The following NRXN3 variants were observed in gnomAD, a reference collection of about 807,000 sequenced individuals.
The protein encoded by NRXN3 is neurexin III.
In NRXN3, 32 loss-of-function variants were observed where a neutral mutation model predicts 137.6. The observed-to-expected ratio is 0.23, with a 90% CI of 0.18 to 0.31. The LOEUF (loss-of-function observed/expected upper bound fraction) is 0.31. Ranked by LOEUF, NRXN3 falls within the 10% of genes least tolerant of loss-of-function variation. The probability of loss-of-function intolerance (pLI) is 1.00; values close to 1 mark genes in which losing one functional copy is unlikely to be tolerated. For synonymous variants in NRXN3, 798 were observed against 784.5 expected (o/e 1.02, Z -0.29); for missense variants, 1,574 against 2,062.5 (o/e 0.76, Z 4.59).
rs2099417208 is a variant in NRXN3, at chr14:78,966,333, A to G, written c.2704A>G (p.Thr902Ala). The change falls in exon 12 of 21, where the codon ACC becomes GCC. Residue 902 changes from threonine to alanine, a missense_variant. By Grantham distance (58) the Thr-to-Ala change is moderately conservative. Around this residue, in one of 5 missense-constraint regions of NRXN3, gnomAD observed 718 missense variants for 887.6 expected, o/e 0.81. Transcript: ENST00000335750. ...GCACCTCTTCTTCCAGTTCAAGACC[A>G]CCTCACCAGATGGCTTCATTCTCTT... Reference protein sequence around the residue: ...SMHLFFQFKTTSPDGFILFNS... With the variant: ...SMHLFFQFKTASPDGFILFNS... The G allele has an allele frequency of 6.2e-7, 1 of 1,613,972 alleles. No homozygotes were observed. Among genetic ancestry groups the G allele is most frequent in the African/African-American group, 1.3e-5 (1 of 74,884 alleles).
At chr14:78,568,880 C>T (rs1566772189) in intron 4 of NRXN3, among the ~76,000 whole-genome samples, 1 of 151,468 alleles carries the variant, frequency 6.6e-6, no homozygotes, top group East Asian at 1.9e-4. Context: ...AGAGCTTCTA[C>T]CAGAAACACT....
chr14:78,458,767 G>A (rs1163036007), intron 4 of NRXN3, among the ~76,000 whole-genome samples: 1 of 152,192 alleles, frequency 6.6e-6, no homozygotes. Context: ...AGAAGAATAG[G>A]TGCCTGTTGT....
At chr14:79,435,621 CACACACACAT>C (rs1430088007) in intron 15 of NRXN3, among the ~76,000 whole-genome samples, 1 of 151,730 alleles carries the variant, frequency 6.6e-6, no homozygotes, top group African/African-American at 2.4e-5. Context: ...CACACACACA[CACACACACAT>C]ACATTCTTTG....
chr14:79,289,955 C>T (rs527739240), intron 15 of NRXN3, among the ~76,000 whole-genome samples: 33 of 152,222 alleles, frequency 2.2e-4, no homozygotes, highest in African/African-American at 7.7e-4. Context: ...CCCCTGGAAA[C>T]CAGCAAGCCA....
At chr14:78,709,180 A>C in intron 6 of NRXN3, 37 bp from the exon 7 acceptor site, 2 of 1,574,332 alleles carry the variant, frequency 1.3e-6, no homozygotes, top group Non-Finnish European at 1.7e-6. Flanking sequence ...TGTTTGCAAG[A>C]TTGATTCACA....
intron 10 of NRXN3, among the ~76,000 whole-genome samples, chr14:78,887,273 G>C (rs1015789024): frequency 2.6e-5 from 4 of 152,096 alleles, no homozygotes; most frequent in Non-Finnish European, 5.9e-5. Context: ...GGCAGAGCTA[G>C]AATTCAAATA....
intron 15 of NRXN3, among the ~76,000 whole-genome samples, chr14:79,254,383 A>G (rs1442505734): frequency 2.0e-5 from 3 of 152,310 alleles, no homozygotes; most frequent in East Asian, 3.9e-4. Flanking sequence ...AGTGGGGAAG[A>G]TCAGCTCATT....
At chr14:78,407,729 A>G (rs1036774637) in intron 4 of NRXN3, among the ~76,000 whole-genome samples, 6 of 151,982 alleles carry the variant, frequency 3.9e-5, no homozygotes, top group Non-Finnish European at 2.9e-5. Flanking sequence ...CTCTCTTTTT[A>G]ATTTTGCTGC....
intron 6 of NRXN3, among the ~76,000 whole-genome samples, chr14:78,688,030 C>CT (rs1299942963): frequency 6.6e-6 from 1 of 152,062 alleles, no homozygotes; most frequent in Admixed American, 6.6e-5. Flanking sequence ...CTTTTTTAGC[C>CT]TTTTTTAGTT....
intron 15 of NRXN3, among the ~76,000 whole-genome samples, chr14:79,300,207 AG>A (rs1396437013): frequency 6.6e-6 from 1 of 152,214 alleles, no homozygotes; most frequent in South Asian, 2.1e-4. Context: ...CTAGGTCAAA[AG>A]TTACTAAGTG....
intron 16 of NRXN3, among the ~76,000 whole-genome samples, chr14:79,632,546 G>A (rs1419811708): frequency 2.0e-5 from 3 of 152,172 alleles, no homozygotes; most frequent in Admixed American, 1.3e-4. Context: ...GGAATCATAT[G>A]TGGTTGTTCA....
intron 15 of NRXN3, among the ~76,000 whole-genome samples, chr14:79,463,475 TA>T (rs137934813): frequency 1.1e-4 from 17 of 148,132 alleles, no homozygotes; most frequent in South Asian, 2.1e-4. Flanking sequence ...GGTTGTGAGT[TA>T]AAAAAAAAAG....
At chr14:78,272,137 G>A (rs1056995722) in intron 2 of NRXN3, among the ~76,000 whole-genome samples, 9 of 151,960 alleles carry the variant, frequency 5.9e-5, no homozygotes, top group African/African-American at 2.2e-4. Context: ...TTTAGTGGAA[G>A]GCCTGCCCTG....
chr14:78,929,548 T>A (rs2099315800), intron 10 of NRXN3, among the ~76,000 whole-genome samples: 1 of 152,212 alleles, frequency 6.6e-6, no homozygotes, highest in Non-Finnish European at 1.5e-5. Context: ...CATTCTTTTT[T>A]ATGGCTGCAT....
At chr14:79,654,892 T>C (rs2098498017) in intron 16 of NRXN3, among the ~76,000 whole-genome samples, 1 of 152,162 alleles carries the variant, frequency 6.6e-6, no homozygotes, top group Non-Finnish European at 1.5e-5. Context: ...AGCCTGTCAT[T>C]TGGAAGTTAG....
At chr14:78,403,636 T>G in intron 4 of NRXN3, 1 of 832,878 alleles carries the variant, frequency 1.2e-6, no homozygotes, top group East Asian at 1.2e-4. Flanking sequence ...TGCACTAAGA[T>G]TTGAAGGGTG....
intron 16 of NRXN3, among the ~76,000 whole-genome samples, chr14:79,510,415 C>T (rs540536059): frequency 9.9e-5 from 15 of 152,218 alleles, no homozygotes; most frequent in African/African-American, 2.6e-4. Context: ...AAATTAAGCA[C>T]AGTTAGGGAA....
At chr14:79,796,661 T>C (rs764505118) in intron 19 of NRXN3, among the ~76,000 whole-genome samples, 19 of 152,192 alleles carry the variant, frequency 1.2e-4, no homozygotes, top group Admixed American at 3.9e-4. Context: ...GTTAATTAAA[T>C]CTTGAGTCTG....
chr14:78,750,191 G>T (rs1458905953), intron 8 of NRXN3, among the ~76,000 whole-genome samples: 2 of 152,182 alleles, frequency 1.3e-5, no homozygotes, highest in African/African-American at 4.8e-5. Flanking sequence ...TATTCTTCAG[G>T]CCAACTGATG....
Sources: allele counts gnomAD v4.1 joint callset (sites outside exome capture counted in the v4.1 genomes callset), GRCh38; gene constraint gnomAD v4.1.1; regional missense constraint gnomAD v4.1.1; transcripts MANE v1.5; gene names NCBI Gene and HGNC (gene_info 2026-07-23, HGNC 2026-07-21).